Variants in KCNK12 observed in about 807,000 individuals in gnomAD.
The protein encoded by KCNK12 is potassium channel subfamily K member 12.
In KCNK12, 6 loss-of-function variants were observed where a neutral mutation model predicts 25.3. The observed-to-expected ratio is 0.24, with a 90% CI of 0.13 to 0.47. The LOEUF is 0.47. KCNK12 is among the 20% of genes least tolerant of loss of function. The pLI is 0.99. For missense variants in KCNK12, 444 were observed against 661.7 expected (o/e 0.67, Z 3.61); for synonymous variants, 331 against 311.1 (o/e 1.06, Z -0.67).
At chr2:47,554,822 G>A (rs1164727557) in intron 1 of KCNK12, among the ~76,000 whole-genome samples, 1 of 152,230 alleles carries the variant, frequency 6.6e-6, no homozygotes. Flanking sequence ...AAGAAATGAT[G>A]GTGACAGCTG....
Position 47,569,931 on chromosome 2 carries a change from C to A in KCNK12, c.391+10G>T. ...AGAGAGGAAAGATGCGCGGGGGACGCGCCGCTCACCTATGGTTGACACCAC... is the reference window on the plus strand; with the variant it reads ...AGAGAGGAAAGATGCGCGGGGGACGAGCCGCTCACCTATGGTTGACACCAC... On this transcript the variant is annotated intron_variant, in intron 1 of 1. Transcript: ENST00000327876. This position sits in a 1 kb window ranked among gnomAD's most constrained non-coding sequence, Gnocchi z 4.1. 1 of 1,371,750 alleles carries A rather than the reference C, an allele frequency of 7.3e-7. No individual in the cohort carries two copies. Among genetic ancestry groups the A allele is most frequent in the Non-Finnish European group, 9.5e-7 (1 of 1,056,896 alleles). 85.0% of individuals were successfully genotyped at this position (1,371,750 alleles called of 1,614,324 possible). A position where few individuals can be genotyped will look rare whatever the true frequency, so the allele number is the denominator to read the frequency against.
Position 47,570,511 on chromosome 2 carries a change from C to T in KCNK12, c.-180G>A, listed in dbSNP as rs1669870923. 1.8e-6 allele frequency: 1 copy of T among 563,042 alleles called. No homozygotes were observed. The highest frequency in any genetic ancestry group is 4.8e-5 in the Admixed American group (1 of 20,770). The allele number at this position is 563,042 out of a possible 1,614,324, so 34.9% of individuals were successfully genotyped here. On this transcript the variant is annotated 5_prime_UTR_variant, in exon 1 of 2. Transcript: ENST00000327876. ...AGCCCGGACAGAGGGGCGCCTCCGC[C>T]TCCTCCCCGGCGCTCAGGCCACACG...
chr2:47,568,306 T>TA (rs60947829), intron 1 of KCNK12, among the ~76,000 whole-genome samples: 14,267 of 142,498 alleles, frequency 0.1, 1,697 homozygotes, highest in African/African-American at 0.29. Context: ...TTAAAGCACT[T>TA]AAAAAAAAAA....
intron 1 of KCNK12, among the ~76,000 whole-genome samples, chr2:47,532,752 T>C (rs1239912230): frequency 6.6e-6 from 1 of 152,212 alleles, no homozygotes; most frequent in Non-Finnish European, 1.5e-5. Flanking sequence ...CATCCAAGCC[T>C]AGCACCTGGC....
chr2:47,552,578 G>C (rs1669460576), intron 1 of KCNK12, among the ~76,000 whole-genome samples: 1 of 152,114 alleles, frequency 6.6e-6, no homozygotes. Flanking sequence ...GACCATCCTG[G>C]CCAACATGGT....
intron 1 of KCNK12, 71 bp from the exon 2 acceptor site, chr2:47,521,879 TGTGGGG>T: frequency 9.2e-6 from 3 of 327,712 alleles, no homozygotes; most frequent in Non-Finnish European, 1.4e-5. Flanking sequence ...GGGTGGGGGG[TGTGGGG>T]GCGGGGGCAT....
At chr2:47,537,416 C>G (rs1341663775) in intron 1 of KCNK12, among the ~76,000 whole-genome samples, 1 of 151,952 alleles carries the variant, frequency 6.6e-6, no homozygotes, top group African/African-American at 2.4e-5. Flanking sequence ...CTGCAACCTC[C>G]GCCTCCCGGG....
chr2:47,552,358 A>G (rs1172149891), intron 1 of KCNK12, among the ~76,000 whole-genome samples: 1 of 152,174 alleles, frequency 6.6e-6, no homozygotes, highest in Non-Finnish European at 1.5e-5. Flanking sequence ...GAGGAGGGGT[A>G]TCCTCCTCCA....
chr2:47,570,109 T>C lies in KCNK12; in HGVS notation c.223A>G (p.Thr75Ala). The change falls in exon 1 of 2, where the codon ACG becomes GCG. Residue 75 changes from threonine (T) to alanine (A), a missense_variant. Physicochemically the swap from Thr to Ala is moderately conservative, Grantham distance 58 (BLOSUM62 0). Coordinates refer to ENST00000327876, the MANE Select transcript of KCNK12 (RefSeq NM_022055.2). ...EAEARARWGA[T>A]LRNFSAAHGV... ...TGCGCAGCGCTGAAGTTGCGCAGCG[T>C]GGCGCCCCAGCGCGCCCGCGCCTCC... The C allele has an allele frequency of 1.4e-6, 2 of 1,412,162 alleles. No homozygotes were observed. Among genetic ancestry groups the C allele is most frequent in the Non-Finnish European group, 1.8e-6 (2 of 1,083,940 alleles). 87.5% of individuals were successfully genotyped at this position (1,412,162 alleles called of 1,614,324 possible). A position where few individuals can be genotyped will look rare whatever the true frequency, so the allele number is the denominator to read the frequency against.
At position 47,547,428 on chromosome 2, in the gene KCNK12, C is replaced by G. The variant is rs1669336873; in HGVS notation, c.391+22513G>C. Among the ~76,000 whole-genome samples, 1 of 152,252 alleles carries G rather than the reference C, an allele frequency of 6.6e-6. No individual in the cohort carries two copies. The highest frequency in any genetic ancestry group is 3.4e-3 in the Middle Eastern group (1 of 294). ...TATGCAGCCAGGGTTGAGAACCACT[C>G]TCCTAGGTGATCTTTTCTTTTTCTT... On this transcript the variant is annotated intron_variant, in intron 1 of 1. Transcript: ENST00000327876. The surrounding 1 kb of genome is among the most constrained non-coding windows in gnomAD (Gnocchi z 5.0).
chr2:47,524,526 A>T (rs190343464), intron 1 of KCNK12, among the ~76,000 whole-genome samples: 1 of 152,184 alleles, frequency 6.6e-6, no homozygotes, highest in Non-Finnish European at 1.5e-5. Flanking sequence ...TTTTTTAGGG[A>T]TGCATGCATG....
chr2:47,540,762 G>A lies in KCNK12; in HGVS notation c.392-18954C>T, dbSNP rs1669179930. 7.2e-6 allele frequency among the ~76,000 whole-genome samples: 1 copy of A among 139,742 alleles called. No homozygotes were observed. The allele number at this position is 139,742 out of a possible 152,430, so 91.7% of individuals were successfully genotyped here. A position where few individuals can be genotyped will look rare whatever the true frequency, so the allele number is the denominator to read the frequency against. On this transcript the variant is annotated intron_variant, in intron 1 of 1. Coordinates refer to ENST00000327876, the MANE Select transcript of KCNK12 (RefSeq NM_022055.2). The surrounding 1 kb of genome is among the most constrained non-coding windows in gnomAD (Gnocchi z 5.4). ...GCAACATGGTGAGACTCCATCCCTA[G>A]AAACAATTAAAAACAAACAAACAAA... is the stretch of plus-strand genomic sequence containing the variant.
Position 47,570,348 on chromosome 2 carries a change from CCGGGGCCGGGGCGGCGCT to C in KCNK12, c.-35_-18del, listed in dbSNP as rs1339556578. The C allele has an allele frequency of 1.6e-6, 2 of 1,229,388 alleles. No homozygotes were observed. Among genetic ancestry groups the C allele is most frequent in the Non-Finnish European group, 2.0e-6 (2 of 987,562 alleles). 76.2% of individuals were successfully genotyped at this position (1,229,388 alleles called of 1,614,324 possible). A position where few individuals can be genotyped will look rare whatever the true frequency, so the allele number is the denominator to read the frequency against. ...GGAGGACATGGTCCGGAGCTCAGCCCCGGGGCCGGGGCGGCGCTCGGGGCCCGGGCCACGACATCCCCC... is the reference window on the plus strand; with the variant it reads ...GGAGGACATGGTCCGGAGCTCAGCCCCGGGGCCCGGGCCACGACATCCCCC... On this transcript the variant is annotated 5_prime_UTR_variant, in exon 1 of 2. Transcript: ENST00000327876.
Position 47,570,668 on chromosome 2 carries a change from T to G in KCNK12, c.-337A>C. On this transcript the variant is annotated 5_prime_UTR_variant, in exon 1 of 2. Transcript: ENST00000327876. ...CCGCAGCTAGGCCCCTGCCGCCCGG[T>G]GGCCGGCGTCCGCGGGGCCCCGGGC... 6.2e-6 allele frequency: 1 copy of G among 160,796 alleles called. No individual in the cohort carries two copies. The highest frequency in any genetic ancestry group is 1.3e-5 in the Non-Finnish European group (1 of 74,208). 10.0% of individuals were successfully genotyped at this position (160,796 alleles called of 1,614,324 possible).
chr2:47,539,841 C>G (rs1479193032), intron 1 of KCNK12, among the ~76,000 whole-genome samples: 1 of 150,906 alleles, frequency 6.6e-6, no homozygotes, highest in Non-Finnish European at 1.5e-5. Flanking sequence ...GTGCTCAGGA[C>G]CATCCACAGC....
intron 1 of KCNK12, among the ~76,000 whole-genome samples, chr2:47,544,302 C>T (rs531418379): frequency 2.4e-4 from 37 of 152,350 alleles, no homozygotes; most frequent in Admixed American, 1.0e-3. Context: ...GCTTCCCTTT[C>T]GAAGAGCTGT....
At chr2:47,554,288 A>G (rs1181693688) in intron 1 of KCNK12, among the ~76,000 whole-genome samples, 1 of 152,230 alleles carries the variant, frequency 6.6e-6, no homozygotes, top group Non-Finnish European at 1.5e-5. Context: ...GCTCATGAAC[A>G]GGATGATTTC....
chr2:47,564,215 G>A, intron 1 of KCNK12: 1 of 231,106 alleles, frequency 4.3e-6, no homozygotes, highest in Non-Finnish European at 8.6e-6. Flanking sequence ...TAACTGTCCA[G>A]TCGCTCCTAG....
At chr2:47,532,409 T>C (rs1668953257) in intron 1 of KCNK12, among the ~76,000 whole-genome samples, 1 of 152,140 alleles carries the variant, frequency 6.6e-6, no homozygotes, top group Non-Finnish European at 1.5e-5. Flanking sequence ...TCACCCAGGC[T>C]GGAGTGCAGT....
Sources: gnomAD v4.1 joint callset for allele counts (sites outside exome capture counted in the v4.1 genomes callset) on GRCh38, gnomAD v4.1.1 for gene constraint, Gnocchi (gnomAD v3.1) non-coding constraint, MANE v1.5 for transcripts, NCBI Gene and HGNC (gene_info 2026-07-23, HGNC 2026-07-21) for gene names.